KHDRBS3: variants seen among roughly 807,000 people sequenced by gnomAD.
KHDRBS3 encodes KH RNA binding domain containing, signal transduction associated 3.
A neutral mutation model predicts 45.6 loss-of-function variants in KHDRBS3; 23 were observed. That is an observed-to-expected ratio of 0.50 (90% CI 0.36 to 0.72). The LOEUF (loss-of-function observed/expected upper bound fraction) is 0.72, where lower values mean the gene tolerates loss of function less well. KHDRBS3 is among the 30% of genes least tolerant of loss of function. The probability of loss-of-function intolerance (pLI) is 0.00; values close to 1 mark genes in which losing one functional copy is unlikely to be tolerated. For synonymous variants in KHDRBS3, 162 were observed against 156.5 expected (o/e 1.04, Z -0.26); for missense variants, 352 against 424.8 (o/e 0.83, Z 1.51).
chr8:135,485,171 A>G (rs772361734), intron 1 of KHDRBS3, among the ~76,000 whole-genome samples: 4 of 141,616 alleles, frequency 2.8e-5, no homozygotes, highest in Non-Finnish European at 4.5e-5. Flanking sequence ...CCCCACTACA[A>G]TATCAACTCT....
intron 5 of KHDRBS3, among the ~76,000 whole-genome samples, chr8:135,565,545 A>G (rs1007153354): frequency 1.1e-4 from 16 of 152,174 alleles, no homozygotes; most frequent in Admixed American, 7.2e-4. Flanking sequence ...ATCTCTTGGT[A>G]AGCAGCTAAA....
chr8:135,547,359 C>T (rs1398880237), intron 3 of KHDRBS3, among the ~76,000 whole-genome samples: 1 of 152,126 alleles, frequency 6.6e-6, no homozygotes, highest in Non-Finnish European at 1.5e-5. Context: ...TACACTGTCT[C>T]CTTTCGCCAG....
At chr8:135,481,223 G>GATATATATATATAT (rs10529846) in intron 1 of KHDRBS3, among the ~76,000 whole-genome samples, 117 of 77,352 alleles carry the variant, frequency 1.5e-3, no homozygotes, top group East Asian at 6.8e-3. Context: ...TGAAAGCCAC[G>GATATATATATATAT]ATATATATAT....
chr8:135,462,188 A>C (rs1821463434), intron 1 of KHDRBS3, among the ~76,000 whole-genome samples: 1 of 150,684 alleles, frequency 6.6e-6, no homozygotes, highest in South Asian at 2.1e-4. Flanking sequence ...CCAAAGGAGG[A>C]TGTGATTATT....
At chr8:135,497,616 AGTAAT>A (rs1278792569) in intron 1 of KHDRBS3, among the ~76,000 whole-genome samples, 2 of 152,198 alleles carry the variant, frequency 1.3e-5, no homozygotes, top group African/African-American at 4.8e-5. Flanking sequence ...GGACAAAAAA[AGTAAT>A]ATATCAAAAT....
At chr8:135,533,131 G>C (rs1423939014) in intron 2 of KHDRBS3, among the ~76,000 whole-genome samples, 1 of 152,104 alleles carries the variant, frequency 6.6e-6, no homozygotes, top group Non-Finnish European at 1.5e-5. Flanking sequence ...GGGGCATACA[G>C]CTATTTATAT....
chr8:135,582,010 A>G lies in KHDRBS3; in HGVS notation c.744A>G (p.Gly248=). Residue 248 remains glycine, a synonymous_variant, in exon 6 of 9, where the codon GGA becomes GGG. Transcript: ENST00000355849. ...GACTTCTCACTCCCAGAGCAAGAGGAGTCCCCCCAACTGGGTACAGACCTC... is the reference window on the plus strand; with the variant it reads ...GACTTCTCACTCCCAGAGCAAGAGGGGTCCCCCCAACTGGGTACAGACCTC... ...GRGLLTPRAR[G]VPPTGYRPPP... is the part of the protein sequence containing the mutation. The G allele has an allele frequency of 6.2e-7, 1 of 1,612,724 alleles. No homozygotes were observed.
intron 6 of KHDRBS3, 126 bp from the exon 7 acceptor site, chr8:135,606,829 T>G: frequency 1.6e-6 from 1 of 613,674 alleles, no homozygotes; most frequent in East Asian, 2.9e-5. Flanking sequence ...TATATTTTTC[T>G]TTACACTATA....
At chr8:135,577,662 G>A (rs1210725348) in intron 5 of KHDRBS3, among the ~76,000 whole-genome samples, 1 of 152,032 alleles carries the variant, frequency 6.6e-6, no homozygotes, top group African/African-American at 2.4e-5. Flanking sequence ...TTCATCTATC[G>A]AAGGGCATCT....
chr8:135,528,398 G>T (rs6989614), intron 2 of KHDRBS3, among the ~76,000 whole-genome samples: 1 of 152,060 alleles, frequency 6.6e-6, no homozygotes, highest in Non-Finnish European at 1.5e-5. Flanking sequence ...GGAAATCATC[G>T]TGGATTTACA....
chr8:135,597,035 T>C (rs1291631943), intron 6 of KHDRBS3, among the ~76,000 whole-genome samples: 1 of 152,192 alleles, frequency 6.6e-6, no homozygotes, highest in Admixed American at 6.5e-5. Flanking sequence ...TAAACTATAA[T>C]AATTAGATGT....
chr8:135,498,674 T>C (rs1823580702), intron 1 of KHDRBS3, among the ~76,000 whole-genome samples: 1 of 152,170 alleles, frequency 6.6e-6, no homozygotes, highest in Admixed American at 6.5e-5. Flanking sequence ...TGAAAATGGT[T>C]TCAAGTAATG....
In KHDRBS3 at chr8:135,471,299, C is replaced by T. The variant is rs551533824; in HGVS notation, c.88+13345C>T. ...CAGGCTTCAGACTTTTAGACCCTTT[C>T]AGGAAATCACTATTTATAGACTTCT... On this transcript the variant is annotated intron_variant, in intron 1 of 8. Transcript: ENST00000355849. 3.9e-5 allele frequency among the ~76,000 whole-genome samples: 6 copies of T among 152,278 alleles called. No individual in the cohort carries two copies. In the East Asian group the frequency reaches 7.7e-4, roughly 20 times the overall value.
intron 1 of KHDRBS3, among the ~76,000 whole-genome samples, chr8:135,512,355 A>G (rs1824330980): frequency 7.4e-6 from 1 of 134,742 alleles, no homozygotes; most frequent in African/African-American, 2.9e-5. Context: ...TGAGCTTCTC[A>G]TTTTATTATA....
At chr8:135,607,165 A>G in intron 7 of KHDRBS3, 128 bp downstream of exon 7, 1 of 622,896 alleles carries the variant, frequency 1.6e-6, no homozygotes, top group Non-Finnish European at 2.8e-6. Context: ...GTATTTGTTT[A>G]AATGGAGAAG....
chr8:135,578,741 A>G lies in KHDRBS3; in HGVS notation c.612-3137A>G, dbSNP rs565956068. ...TGTGTACTTTAGAAAATGTTTGTCA[A>G]TGTCTAAAAATATATCACTTGCTGA... On this transcript the variant is annotated intron_variant, in intron 5 of 8. Transcript: ENST00000355849. 6.6e-5 allele frequency among the ~76,000 whole-genome samples: 10 copies of G among 152,224 alleles called. No individual in the cohort carries two copies. The South Asian group carries it at 1.0e-3, about 16-fold the overall frequency.
chr8:135,649,298 G>T (rs1047513210), downstream of KHDRBS3, among the ~76,000 whole-genome samples: 2 of 151,830 alleles, frequency 1.3e-5, no homozygotes, highest in Non-Finnish European at 2.9e-5. Flanking sequence ...TGTGACTTTG[G>T]GCAAGTCTCA....
intron 5 of KHDRBS3, among the ~76,000 whole-genome samples, chr8:135,578,391 T>G (rs148594000): frequency 2.4e-4 from 36 of 152,318 alleles, no homozygotes; most frequent in Non-Finnish European, 4.4e-4. Context: ...TTTGAGTTGA[T>G]TTTTGTGAAA....
rs1202824691 is a variant in KHDRBS3, at chr8:135,491,601, G to C, written c.89-29636G>C. ...AAAGCTAAGGACCAGAGAGCCCCAG[G>C]AGAGAAGAAGGGGCAGTGGTTTTCT... On this transcript the variant is annotated intron_variant, in intron 1 of 8. Coordinates refer to ENST00000355849, the MANE Select transcript of KHDRBS3 (RefSeq NM_006558.3). 2.0e-5 allele frequency among the ~76,000 whole-genome samples: 3 copies of C among 152,038 alleles called. No homozygotes were observed. In the East Asian group the frequency reaches 5.8e-4, roughly 29 times the overall value.
Sources: gnomAD v4.1 joint callset for allele counts (sites outside exome capture counted in the v4.1 genomes callset) on GRCh38, gnomAD v4.1.1 for gene constraint, MANE v1.5 for transcripts, NCBI Gene and HGNC (gene_info 2026-07-23, HGNC 2026-07-21) for gene names.